The following ZC3H6 variants were observed in gnomAD, a reference collection of about 807,000 sequenced individuals.
The protein encoded by ZC3H6 is zinc finger CCCH-type containing 6, also known as zinc finger CCCH domain-containing protein 6.
ZC3H6 carries 40 observed loss-of-function variants against 107.7 expected under a neutral mutation model. The ratio of observed to expected loss-of-function variants is 0.37; its 90% CI spans 0.29 to 0.48. The LOEUF (loss-of-function observed/expected upper bound fraction) is 0.48, where lower values mean the gene tolerates loss of function less well. Ranked by LOEUF, ZC3H6 falls within the 20% of genes least tolerant of loss-of-function variation. The probability of loss-of-function intolerance (pLI) is 0.98; values close to 1 mark genes in which losing one functional copy is unlikely to be tolerated. For missense variants in ZC3H6, 1,267 were observed against 1,410.4 expected, an observed-to-expected ratio of 0.90 and a Z score of 1.63; for synonymous variants, 493 against 487.9, an observed-to-expected ratio of 1.01 and a Z score of -0.14.
chr2:112,303,335 A>G lies in ZC3H6; in HGVS notation c.320A>G (p.Asp107Gly). 1 of 1,612,516 alleles carries G rather than the reference A, an allele frequency of 6.2e-7. No individual in the cohort carries two copies. Among genetic ancestry groups the G allele is most frequent in the Non-Finnish European group, 8.5e-7 (1 of 1,179,194 alleles). Residue 107 changes from aspartate to glycine, a missense_variant, in exon 3 of 12, where the codon GAC becomes GGC. Around this residue, in one of 3 missense-constraint regions of ZC3H6, gnomAD observed 337 missense variants for 361.2 expected, o/e 0.93. Coordinates refer to ENST00000409871, the MANE Select transcript of ZC3H6 (RefSeq NM_198581.3). ...KKRTGFYRDY[D>G]IPFTQRGHIS... Reference sequence around the variant, plus strand: ...AGAACTGGTTTCTACAGGGATTATGACATTCCATTTACTCAGGTATTGCCA... The same window carrying G: ...AGAACTGGTTTCTACAGGGATTATGGCATTCCATTTACTCAGGTATTGCCA...
intron 1 of ZC3H6, among the ~76,000 whole-genome samples, chr2:112,294,187 G>A (rs930476954): frequency 1.9e-4 from 29 of 152,194 alleles, no homozygotes; most frequent in African/African-American, 7.0e-4. Flanking sequence ...TCAGCCTATC[G>A]TTGGGCTTAC....
In ZC3H6 at chr2:112,332,008, C is replaced by T. The variant is rs1677044329; in HGVS notation, c.3090C>T (p.Ser1030=). The change falls in exon 12 of 12, where the codon TCC becomes TCT. Residue 1030 remains serine (S), a synonymous_variant. Transcript: ENST00000409871. The part of the protein sequence containing the change: ...ALPPYAPKLS[S]SAGLPLGTST... ...CTCCATATGCCCCTAAACTCTCTTC[C>T]TCAGCTGGCCTTCCACTGGGAACTT... is the stretch of plus-strand genomic sequence containing the variant. 1 of 1,613,924 alleles carries T rather than the reference C, an allele frequency of 6.2e-7. No homozygotes were observed. The highest frequency in any genetic ancestry group is 8.5e-7 in the Non-Finnish European group (1 of 1,179,908).
Position 112,338,895 on chromosome 2 carries a change from AT to A in ZC3H6, c.*6408del, listed in dbSNP as rs1677191607. 2.2e-4 allele frequency: 4 copies of A among 18,072 alleles called. No individual in the cohort carries two copies. Among genetic ancestry groups the A allele is most frequent in the Non-Finnish European group, 3.2e-4 (4 of 12,646 alleles). The allele number at this position is 18,072 out of a possible 1,614,324, so 1.1% of individuals were successfully genotyped here. ...TATATATATATATATATATATATAT[AT>A]ATATATATATATATATAATTTTTTT... On this transcript the variant is annotated 3_prime_UTR_variant, in exon 12 of 12. Transcript: ENST00000409871.
At chr2:112,320,544 G>C (rs1218659422) in intron 7 of ZC3H6, among the ~76,000 whole-genome samples, 1 of 152,114 alleles carries the variant, frequency 6.6e-6, no homozygotes, top group African/African-American at 2.4e-5. Context: ...TAAAAAAAAT[G>C]TTGTAATAGT....
Position 112,283,529 on chromosome 2 carries a change from A to G in ZC3H6, c.32+7503A>G, listed in dbSNP as rs1238603757. Reference sequence around the variant, plus strand: ...TATTTATAAAGTTGGTATGAAAACAAAGATCCTAGATTTGGAACACTCATG... The same window carrying G: ...TATTTATAAAGTTGGTATGAAAACAGAGATCCTAGATTTGGAACACTCATG... On this transcript the variant is annotated intron_variant, in intron 1 of 11. Transcript: ENST00000409871. Among the ~76,000 whole-genome samples, 6 of 152,254 alleles carry G rather than the reference A, an allele frequency of 3.9e-5. No individual in the cohort carries two copies. In the East Asian group the frequency reaches 5.8e-4, roughly 15 times the overall value.
At position 112,310,006 on chromosome 2, in the gene ZC3H6, A is replaced by G. The variant is rs752106949; in HGVS notation, c.458A>G (p.Asp153Gly). ...YSDDNFGNYS[D>G]DNFGNYGQET... Reference sequence around the variant, plus strand: ...GATGACAACTTCGGTAACTACAGTGATGACAACTTTGGTAACTACGGTCAG... The same window carrying G: ...GATGACAACTTCGGTAACTACAGTGGTGACAACTTTGGTAACTACGGTCAG... The change falls in exon 4 of 12, where the codon GAT becomes GGT. Residue 153 changes from aspartate to glycine, a missense_variant. Coordinates refer to ENST00000409871, the MANE Select transcript of ZC3H6 (RefSeq NM_198581.3). 6.2e-7 allele frequency: 1 copy of G among 1,613,752 alleles called. No individual in the cohort carries two copies. Among genetic ancestry groups the G allele is most frequent in the Non-Finnish European group, 8.5e-7 (1 of 1,179,796 alleles).
Position 112,275,627 on chromosome 2 carries a change from C to A in ZC3H6, c.-368C>A. On this transcript the variant is annotated 5_prime_UTR_variant, in exon 1 of 12. Coordinates refer to ENST00000409871, the MANE Select transcript of ZC3H6 (RefSeq NM_198581.3). Reference sequence around the variant, plus strand: ...TTTCTCGAGCCGCCTGTTTCGGGTGCCGCCATGTTGGTGAGGAGAAATCAC... The same window carrying A: ...TTTCTCGAGCCGCCTGTTTCGGGTGACGCCATGTTGGTGAGGAGAAATCAC... 1 of 401,226 alleles carries A rather than the reference C, an allele frequency of 2.5e-6. No homozygotes were observed. Among genetic ancestry groups the A allele is most frequent in the Non-Finnish European group, 4.4e-6 (1 of 226,808 alleles). 24.9% of individuals were successfully genotyped at this position (401,226 alleles called of 1,614,324 possible). A position where few individuals can be genotyped will look rare whatever the true frequency, so the allele number is the denominator to read the frequency against.
chr2:112,315,968 ACC>A (rs1676688350), intron 5 of ZC3H6, among the ~76,000 whole-genome samples: 1 of 152,066 alleles, frequency 6.6e-6, no homozygotes, highest in Admixed American at 6.5e-5. Flanking sequence ...AATATATTTG[ACC>A]AGTCTTCTAG....
chr2:112,325,057 G>A lies in ZC3H6; in HGVS notation c.1946G>A (p.Arg649Lys), dbSNP rs1391507292. The stretch of plus-strand genomic sequence containing the variant: ...AGTGGGTCTGATGGCAGCAGCACTA[G>A]GACAGGCCATGGCCCTCTGCCTGTA... ...HGSGSDGSST[R>K]TGHGPLPVPG... is the part of the protein sequence containing the mutation. The change falls in exon 11 of 12, where the codon AGG becomes AAG. Residue 649 changes from arginine (R) to lysine (K), a missense_variant. Coordinates refer to ENST00000409871, the MANE Select transcript of ZC3H6 (RefSeq NM_198581.3). The A allele has an allele frequency of 7.4e-6, 12 of 1,613,808 alleles. No individual in the cohort carries two copies. The highest frequency in any genetic ancestry group is 1.0e-5 in the Non-Finnish European group (12 of 1,179,872).
rs1395383062 is a variant in ZC3H6 at position 112,338,316 on chromosome 2, T to G, written c.*5828T>G. ...AATTATCAATAGCATTTAAAATTCC[T>G]TCTATCCTGATACCATGAACAGTAA... On this transcript the variant is annotated 3_prime_UTR_variant, in exon 12 of 12. Transcript: ENST00000409871. The G allele has an allele frequency of 1.3e-5, 2 of 152,246 alleles. No homozygotes were observed. The highest frequency in any genetic ancestry group is 4.8e-5 in the African/African-American group (2 of 41,476). The allele number at this position is 152,246 out of a possible 1,614,324, so 9.4% of individuals were successfully genotyped here. A position where few individuals can be genotyped will look rare whatever the true frequency, so the allele number is the denominator to read the frequency against.
At chr2:112,297,404 A>T (rs548506164) in intron 1 of ZC3H6, among the ~76,000 whole-genome samples, 1 of 152,200 alleles carries the variant, frequency 6.6e-6, no homozygotes, top group Non-Finnish European at 1.5e-5. Context: ...GTTGTTTTTC[A>T]TTTGCTGCCA....
intron 1 of ZC3H6, among the ~76,000 whole-genome samples, chr2:112,298,015 G>A (rs1259559191): frequency 6.6e-6 from 1 of 152,176 alleles, no homozygotes; most frequent in African/African-American, 2.4e-5. Context: ...CTCGGAGGCT[G>A]AGGCACGAGA....
chr2:112,296,588 A>G (rs918144964), intron 1 of ZC3H6, among the ~76,000 whole-genome samples: 1 of 152,224 alleles, frequency 6.6e-6, no homozygotes, highest in African/African-American at 2.4e-5. Flanking sequence ...TGAAATAGCC[A>G]GAATGCCAAG....
intron 7 of ZC3H6, among the ~76,000 whole-genome samples, chr2:112,318,151 A>C (rs949160788): frequency 6.6e-6 from 1 of 152,232 alleles, no homozygotes; most frequent in Non-Finnish European, 1.5e-5. Context: ...GTGAAAAAAA[A>C]GAAAGTGAAT....
At chr2:112,322,610 A>G (rs2104720950) in intron 8 of ZC3H6, 39 bp from the exon 9 acceptor site, 1 of 1,555,332 alleles carries the variant, frequency 6.4e-7, no homozygotes, top group South Asian at 1.2e-5. Flanking sequence ...TGAGGAAAAG[A>G]CTCGCTTTGA....
At position 112,278,357 on chromosome 2, in the gene ZC3H6, G is replaced by A. The variant is rs946302794; in HGVS notation, c.32+2331G>A. Among the ~76,000 whole-genome samples the A allele has an allele frequency of 7.9e-5, 12 of 152,148 alleles. No individual in the cohort carries two copies. In the South Asian group the frequency reaches 8.3e-4, roughly 11 times the overall value. On this transcript the variant is annotated intron_variant, in intron 1 of 11. Coordinates refer to ENST00000409871, the MANE Select transcript of ZC3H6 (RefSeq NM_198581.3). The stretch of plus-strand genomic sequence containing the variant: ...TTTTGAGACGGAGTCTCGCTCTGTC[G>A]CCCAGGCTGGAGTGCAGTGGCACTG...
At chr2:112,311,975 T>G (rs1676603842) in intron 5 of ZC3H6, 38 bp downstream of exon 5, 12 of 1,529,164 alleles carry the variant, frequency 7.8e-6, no homozygotes, top group African/African-American at 1.4e-5. Context: ...GAGGAGCTTT[T>G]TCATCTTTTA....
In ZC3H6 at chr2:112,289,385, C is replaced by T. The variant is rs561967589; in HGVS notation, c.33-10464C>T. The stretch of plus-strand genomic sequence containing the variant: ...TGTCGCCCAGGCTGGAGTGCAGTGG[C>T]GCGATCTTGGCTCACTACAAGCTCC... On this transcript the variant is annotated intron_variant, in intron 1 of 11. Transcript: ENST00000409871. 3.4e-4 allele frequency among the ~76,000 whole-genome samples: 50 copies of T among 145,008 alleles called. No homozygotes were observed. The South Asian group carries it at 0.01, about 29-fold the overall frequency.
chr2:112,295,819 T>G (rs552442052), intron 1 of ZC3H6, among the ~76,000 whole-genome samples: 1 of 152,332 alleles, frequency 6.6e-6, no homozygotes, highest in Admixed American at 6.5e-5. Flanking sequence ...ATGACCCACA[T>G]TTCACACTTA....
Sources: allele counts gnomAD v4.1 joint callset (sites outside exome capture counted in the v4.1 genomes callset), GRCh38; gene constraint gnomAD v4.1.1; regional missense constraint gnomAD v4.1.1; transcripts MANE v1.5; gene names NCBI Gene and HGNC (gene_info 2026-07-23, HGNC 2026-07-21).